Variants in CSMD1 observed in about 807,000 individuals in gnomAD.
CSMD1 encodes CUB and Sushi multiple domains 1.
A neutral mutation model predicts 417.5 loss-of-function variants in CSMD1; 213 were observed. The ratio of observed to expected loss-of-function variants is 0.51; its 90% CI spans 0.46 to 0.57. The LOEUF (loss-of-function observed/expected upper bound fraction) is 0.57. Among genes scored for constraint, CSMD1 ranks in the 20% least tolerant of loss-of-function variants. CSMD1 has a pLI of 0.00. For synonymous variants in CSMD1, 2,862 were observed against 1,736.8 expected, an observed-to-expected ratio of 1.65 and a Z score of -16.11; for missense variants, 6,923 against 4,529.7, an observed-to-expected ratio of 1.53 and a Z score of -15.17.
chr8:4,430,349 G>A (rs77535557), intron 2 of CSMD1, among the ~76,000 whole-genome samples: 174 of 152,150 alleles, frequency 1.1e-3, no homozygotes, highest in Non-Finnish European at 1.9e-3. Flanking sequence ...TTCCTAAAAG[G>A]CTTACATCAT....
intron 7 of CSMD1, among the ~76,000 whole-genome samples, chr8:3,623,973 C>CAAAAA (rs1302884016): frequency 3.3e-5 from 5 of 150,236 alleles, no homozygotes; most frequent in Admixed American, 6.6e-5. Flanking sequence ...CAAAACTCCA[C>CAAAAA]AAAAAAACAA....
intron 10 of CSMD1, among the ~76,000 whole-genome samples, chr8:3,549,499 G>C (rs1208664971): frequency 1.3e-5 from 2 of 152,206 alleles, no homozygotes; most frequent in East Asian, 1.9e-4. Flanking sequence ...ATTAAGAATA[G>C]CTTGGGTCGT....
chr8:4,297,671 C>G (rs1797759829), intron 3 of CSMD1, among the ~76,000 whole-genome samples: 1 of 152,168 alleles, frequency 6.6e-6, no homozygotes, highest in South Asian at 2.1e-4. Flanking sequence ...TGACTACTTT[C>G]TGCTACTGTT....
chr8:3,847,955 T>C lies in CSMD1; in HGVS notation c.819-93913A>G, dbSNP rs1024003066. On this transcript the variant is annotated intron_variant, in intron 5 of 69. Transcript: ENST00000635120. ...ATTTTCTTGGCTTCAAAACAACCAA[T>C]GATTTTTATTTATTATTTATTTATT... Among the ~76,000 whole-genome samples, 4 of 152,294 alleles carry C rather than the reference T, an allele frequency of 2.6e-5. No homozygotes were observed. In the East Asian group the frequency reaches 7.7e-4, roughly 29 times the overall value.
intron 26 of CSMD1, among the ~76,000 whole-genome samples, chr8:3,258,486 C>T (rs1800818618): frequency 6.6e-6 from 1 of 152,134 alleles, no homozygotes; most frequent in African/African-American, 2.4e-5. Flanking sequence ...CACTTAAATA[C>T]TGTTTGTGCA....
intron 5 of CSMD1, among the ~76,000 whole-genome samples, chr8:3,935,350 A>C (rs989765226): frequency 2.0e-5 from 3 of 152,212 alleles, no homozygotes; most frequent in Admixed American, 1.3e-4. Context: ...TGTTTCACTT[A>C]AGAAATTGTC....
At chr8:3,752,406 G>A (rs965688806) in intron 6 of CSMD1, among the ~76,000 whole-genome samples, 2 of 152,120 alleles carry the variant, frequency 1.3e-5, no homozygotes, top group Admixed American at 6.5e-5. Context: ...TGTAATCCCA[G>A]CACTTTGGGA....
chr8:3,689,787 A>G (rs1277019509), intron 7 of CSMD1, among the ~76,000 whole-genome samples: 1 of 152,226 alleles, frequency 6.6e-6, no homozygotes, highest in Non-Finnish European at 1.5e-5. Context: ...TGATTTTCAC[A>G]AAGTTACAGT....
intron 3 of CSMD1, among the ~76,000 whole-genome samples, chr8:4,208,330 G>C (rs570061605): frequency 6.6e-6 from 1 of 152,202 alleles, no homozygotes; most frequent in African/African-American, 2.4e-5. Context: ...AAGCAAATCA[G>C]GTCTTATTTG....
intron 3 of CSMD1, among the ~76,000 whole-genome samples, chr8:4,153,073 A>G (rs6988775): frequency 6.6e-6 from 1 of 151,978 alleles, no homozygotes; most frequent in Non-Finnish European, 1.5e-5. Flanking sequence ...TGAAGGGGGT[A>G]TGATTCTTTT....
intron 6 of CSMD1, among the ~76,000 whole-genome samples, chr8:3,720,140 T>G (rs1802068307): frequency 6.6e-6 from 1 of 152,306 alleles, no homozygotes; most frequent in South Asian, 2.1e-4. Context: ...TTATTCAGCT[T>G]TTCCCGTTAA....
At position 4,419,999 on chromosome 8, in the gene CSMD1, C is replaced by G. The variant is rs757705745; in HGVS notation, c.369G>C (p.Thr123=). The G allele has an allele frequency of 2.5e-6, 4 of 1,589,358 alleles. No individual in the cohort carries two copies. Among genetic ancestry groups the G allele is most frequent in the Admixed American group, 1.8e-5 (1 of 56,912 alleles). ...STGSILTLWF[T]TDFAVSAQGF... ...CTTGGGCACTCACAGCGAAGTCTGT[C>G]GTGAACCACAGAGTGAGGATAGATC... The change falls in exon 3 of 70, where the codon ACG becomes ACC. Residue 123 remains threonine (T), a synonymous_variant. Coordinates refer to ENST00000635120, the MANE Select transcript of CSMD1 (RefSeq NM_033225.6).
chr8:4,883,112 A>G (rs1470998314), intron 1 of CSMD1, among the ~76,000 whole-genome samples: 1 of 152,106 alleles, frequency 6.6e-6, no homozygotes, highest in Non-Finnish European at 1.5e-5. Context: ...ATTTTATAGT[A>G]AGGTGGAAAG....
At chr8:4,192,331 G>A (rs150179156) in intron 3 of CSMD1, among the ~76,000 whole-genome samples, 87 of 152,242 alleles carry the variant, frequency 5.7e-4, no homozygotes, top group African/African-American at 1.7e-3. Flanking sequence ...CAAGCTTCAG[G>A]AGGAGCTATA....
intron 5 of CSMD1, among the ~76,000 whole-genome samples, chr8:3,790,962 A>T (rs1799704367): frequency 6.6e-6 from 1 of 152,216 alleles, no homozygotes; most frequent in African/African-American, 2.4e-5. Flanking sequence ...CACAGGAAAG[A>T]TGGTCAAAAA....
At chr8:3,479,790 C>T (rs1013701193) in intron 11 of CSMD1, among the ~76,000 whole-genome samples, 2 of 151,620 alleles carry the variant, frequency 1.3e-5, no homozygotes, top group Admixed American at 6.6e-5. Context: ...AGAAATGAAT[C>T]AGAGGGTGGA....
At chr8:4,269,773 A>T (rs1804456230) in intron 3 of CSMD1, among the ~76,000 whole-genome samples, 1 of 152,214 alleles carries the variant, frequency 6.6e-6, no homozygotes, top group Non-Finnish European at 1.5e-5. Context: ...CTTCATAAAA[A>T]AGCATGAAAA....
At chr8:3,777,720 C>G (rs1798967101) in intron 5 of CSMD1, among the ~76,000 whole-genome samples, 5 of 152,208 alleles carry the variant, frequency 3.3e-5, no homozygotes. Context: ...GATGCAGAGT[C>G]TCAGGCCACA....
intron 6 of CSMD1, among the ~76,000 whole-genome samples, chr8:3,712,510 C>T (rs1316696617): frequency 6.6e-6 from 1 of 152,116 alleles, no homozygotes; most frequent in South Asian, 2.1e-4. Context: ...CAAATCCCTG[C>T]AATAGCCTCT....
Sources: gnomAD v4.1 joint callset for allele counts (sites outside exome capture counted in the v4.1 genomes callset) on GRCh38, gnomAD v4.1.1 for gene constraint, MANE v1.5 for transcripts, NCBI Gene and HGNC (gene_info 2026-07-23, HGNC 2026-07-21) for gene names.